DGUOK: variants seen among roughly 807,000 people sequenced by gnomAD.
DGUOK encodes deoxyguanosine kinase, mitochondrial.
A neutral mutation model predicts 36.6 loss-of-function variants in DGUOK; 30 were observed. The ratio of observed to expected loss-of-function variants is 0.82; its 90% CI spans 0.61 to 1.11. The LOEUF (loss-of-function observed/expected upper bound fraction) is 1.11, where lower values mean the gene tolerates loss of function less well. DGUOK is among the 50% of genes most tolerant of loss of function. The pLI is 0.00. For synonymous variants in DGUOK, 145 were observed against 126.3 expected (o/e 1.15, Z -0.99); for missense variants, 361 against 336.4 (o/e 1.07, Z -0.57).
At chr2:73,929,093 C>G (rs898910094) in intron 1 of DGUOK, among the ~76,000 whole-genome samples, 1 of 152,064 alleles carries the variant, frequency 6.6e-6, no homozygotes, top group Non-Finnish European at 1.5e-5. Flanking sequence ...TTATTTCCTC[C>G]TCTCCTTCTT....
chr2:73,945,894 G>A (rs1277418650), intron 2 of DGUOK, among the ~76,000 whole-genome samples: 4 of 152,064 alleles, frequency 2.6e-5, no homozygotes, highest in African/African-American at 9.7e-5. Context: ...GTGGTGGCGG[G>A]TGCCTGTGAT....
intron 1 of DGUOK, among the ~76,000 whole-genome samples, chr2:73,932,911 T>A (rs1681164199): frequency 6.6e-6 from 1 of 152,250 alleles, no homozygotes; most frequent in Non-Finnish European, 1.5e-5. Context: ...CTTTTAAGAC[T>A]GTTCATCCCT....
intron 3 of DGUOK, 170 bp downstream of exon 3, chr2:73,947,076 T>C (rs1238216750): frequency 2.8e-6 from 2 of 708,656 alleles, no homozygotes; most frequent in Admixed American, 2.2e-5. Context: ...TTCTACCAGA[T>C]TGTCATCTAT....
chr2:73,957,925 G>T, intron 5 of DGUOK: 1 of 452,666 alleles, frequency 2.2e-6, no homozygotes, highest in South Asian at 2.1e-5. Context: ...TGCTCTGACT[G>T]TTTGTTAGTA....
chr2:73,934,615 T>C (rs752652380), intron 1 of DGUOK, among the ~76,000 whole-genome samples: 2 of 151,808 alleles, frequency 1.3e-5, no homozygotes, highest in African/African-American at 4.8e-5. Context: ...TAGTCAGGTG[T>C]GGTGGCACGT....
Position 73,957,403 on chromosome 2 carries a change from G to A in DGUOK, c.707+163G>A, listed in dbSNP as rs182015517. On this transcript the variant is annotated intron_variant, in intron 5 of 6. Transcript: ENST00000264093. ...CCAACTCAGAAGTTTAATATTGCTGGACACCGTGGCTCACGCCTGTAATCC... is the reference window on the plus strand; with the variant it reads ...CCAACTCAGAAGTTTAATATTGCTGAACACCGTGGCTCACGCCTGTAATCC... Among the ~76,000 whole-genome samples, 22 of 152,302 alleles carry A rather than the reference G, an allele frequency of 1.4e-4. No individual in the cohort carries two copies. In the East Asian group the frequency reaches 4.2e-3, roughly 29 times the overall value.
chr2:73,945,622 T>G (rs1196509534), intron 2 of DGUOK, among the ~76,000 whole-genome samples: 2 of 152,206 alleles, frequency 1.3e-5, no homozygotes, highest in African/African-American at 4.8e-5. Context: ...TCTATACCCT[T>G]ACGGTACCCT....
At position 73,926,918 on chromosome 2, in the gene DGUOK, C is replaced by T. The variant is rs781275867; in HGVS notation, c.8C>T (p.Ala3Val). Residue 3 changes from alanine to valine, a missense_variant, in exon 1 of 7, where the codon GCG (alanine) becomes GTG (valine). Transcript: ENST00000264093. MA[A>V]GRLFLSRLRA... is the part of the protein sequence containing the mutation. ...GTGTGAATCGTGGGTGGGATGGCCG[C>T]GGGCCGCCTCTTTCTAAGTCGGCTT... The T allele has an allele frequency of 6.2e-7, 1 of 1,613,472 alleles. No homozygotes were observed. Among genetic ancestry groups the T allele is most frequent in the Non-Finnish European group, 8.5e-7 (1 of 1,180,024 alleles).
intron 1 of DGUOK, among the ~76,000 whole-genome samples, chr2:73,933,393 G>A (rs887228873): frequency 7.9e-5 from 12 of 152,128 alleles, no homozygotes; most frequent in Non-Finnish European, 1.6e-4. Context: ...TAATTACAGC[G>A]TAATCCTTTG....
intron 4 of DGUOK, among the ~76,000 whole-genome samples, chr2:73,952,725 G>T (rs967691409): frequency 6.6e-6 from 1 of 152,218 alleles, no homozygotes; most frequent in African/African-American, 2.4e-5. Context: ...GAAGTGGGCT[G>T]ACTCATTCCT....
intron 2 of DGUOK, among the ~76,000 whole-genome samples, chr2:73,944,808 A>G (rs1682164213): frequency 6.6e-6 from 1 of 152,144 alleles, no homozygotes; most frequent in Non-Finnish European, 1.5e-5. Flanking sequence ...TCCGCTCCAC[A>G]TACAGTGTGT....
chr2:73,926,906 G>T lies in DGUOK; in HGVS notation c.-5G>T. The T allele has an allele frequency of 6.2e-7, 1 of 1,613,372 alleles. No individual in the cohort carries two copies. Among genetic ancestry groups the T allele is most frequent in the Non-Finnish European group, 8.5e-7 (1 of 1,180,008 alleles). On this transcript the variant is annotated 5_prime_UTR_variant, in exon 1 of 7. Transcript: ENST00000264093. ...GAAGTGATCGCTGTGTGAATCGTGG[G>T]TGGGATGGCCGCGGGCCGCCTCTTT...
At chr2:73,958,090 T>A (rs1430941798) in intron 5 of DGUOK, 56 bp from the exon 6 acceptor site, 2 of 1,426,372 alleles carry the variant, frequency 1.4e-6, no homozygotes, top group African/African-American at 2.8e-5. Context: ...TATGTGAAAC[T>A]TGACTCAAGT....
chr2:73,928,639 G>A (rs1382037675), intron 1 of DGUOK, among the ~76,000 whole-genome samples: 1 of 152,206 alleles, frequency 6.6e-6, no homozygotes, highest in Admixed American at 6.5e-5. Context: ...GCAAGGATGG[G>A]AGGGAAATTA....
At chr2:73,938,871 A>G (rs774906555) in intron 1 of DGUOK, 39 bp from the exon 2 acceptor site, 15 of 1,394,146 alleles carry the variant, frequency 1.1e-5, no homozygotes, top group Non-Finnish European at 1.4e-5. Context: ...TTCAGCCCTG[A>G]TTTGGGAAGC....
chr2:73,942,323 T>C (rs532120181), intron 2 of DGUOK, among the ~76,000 whole-genome samples: 1 of 152,232 alleles, frequency 6.6e-6, no homozygotes, highest in Non-Finnish European at 1.5e-5. Context: ...CCTTTGATGT[T>C]AAAATTGTAG....
chr2:73,948,878 G>T (rs1271074631), intron 3 of DGUOK, among the ~76,000 whole-genome samples: 1 of 152,142 alleles, frequency 6.6e-6, no homozygotes, highest in Non-Finnish European at 1.5e-5. Flanking sequence ...AAGAAATAAA[G>T]GAAGTGCTCT....
chr2:73,955,760 G>C (rs1573575593), intron 4 of DGUOK, among the ~76,000 whole-genome samples: 2 of 152,112 alleles, frequency 1.3e-5, no homozygotes, highest in African/African-American at 4.8e-5. Flanking sequence ...TGTAGTCCCA[G>C]CTACTTGAGA....
At chr2:73,946,045 ACT>A (rs1682277054) in intron 2 of DGUOK, among the ~76,000 whole-genome samples, 1 of 111,370 alleles carries the variant, frequency 9.0e-6, no homozygotes, top group South Asian at 3.0e-4. Flanking sequence ...GCAGAGTGAG[ACT>A]CTGTCTCAAA....
Sources: gnomAD v4.1 joint callset for allele counts (sites outside exome capture counted in the v4.1 genomes callset) on GRCh38, gnomAD v4.1.1 for gene constraint, MANE v1.5 for transcripts, NCBI Gene and HGNC (gene_info 2026-07-23, HGNC 2026-07-21) for gene names.